Variants in NLRC5 observed in about 807,000 individuals in gnomAD.
NLRC5 encodes NLR family CARD domain containing 5.
A neutral mutation model predicts 206.9 loss-of-function variants in NLRC5; 114 were observed. That is an observed-to-expected ratio of 0.55 (90% CI 0.47 to 0.64). The LOEUF (loss-of-function observed/expected upper bound fraction) is 0.64. Ranked by LOEUF, NLRC5 falls within the 30% of genes least tolerant of loss-of-function variation. The pLI, the probability that NLRC5 is intolerant of heterozygous loss-of-function variation, is 0.00. For missense variants in NLRC5, 2,008 were observed against 2,305.5 expected (o/e 0.87, Z 2.64); for synonymous variants, 952 against 962.8 (o/e 0.99, Z 0.21).
chr16:57,033,336 G>A (rs544570306), intron 11 of NLRC5, among the ~76,000 whole-genome samples: 1 of 152,346 alleles, frequency 6.6e-6, no homozygotes, highest in East Asian at 1.9e-4. Flanking sequence ...AAAGAGAAAA[G>A]GGAGCCGACT....
intron 1 of NLRC5, among the ~76,000 whole-genome samples, chr16:56,996,167 T>G (rs111386456): frequency 4.1e-4 from 63 of 152,192 alleles, no homozygotes; most frequent in Non-Finnish European, 5.1e-4. Context: ...TCCTTGGCTT[T>G]CTTTCTTTCT....
chr16:57,077,449 G>C, intron 41 of NLRC5, 70 bp downstream of exon 41: 1 of 1,392,356 alleles, frequency 7.2e-7, no homozygotes, highest in Non-Finnish European at 1.0e-6. Flanking sequence ...CTGGCCCCTA[G>C]CTGAGGCCAG....
intron 39 of NLRC5, chr16:57,076,135 C>T (rs7405184): frequency 0.1 from 16,404 of 157,150 alleles, 1,519 homozygotes; most frequent in East Asian, 0.45. Context: ...GGGCTGGTCT[C>T]GAACCCCTGA....
chr16:57,006,616 A>G lies in NLRC5; in HGVS notation c.-127-10458A>G, dbSNP rs180903364. On this transcript the variant is annotated intron_variant, in intron 1 of 48. Transcript: ENST00000688547. ...ATAGATGTGCCATAATTTAATCATA[A>G]TATGTCCTCTTTGATCATTTAGGTT... is the stretch of plus-strand genomic sequence containing the variant. 2.1e-3 allele frequency among the ~76,000 whole-genome samples: 311 copies of G among 151,664 alleles called. 5 individuals are homozygous for G. Among genetic ancestry groups the G allele is most frequent in the Admixed American group, 0.018 (268 of 15,248 alleles).
At chr16:57,063,770 G>A (rs375429240) in intron 32 of NLRC5, among the ~76,000 whole-genome samples, 50 of 151,808 alleles carry the variant, frequency 3.3e-4, no homozygotes, top group African/African-American at 1.1e-3. Context: ...ACGGAGTCTC[G>A]CTCTGTTGCC....
At chr16:57,015,949 G>GAAAGA (rs1425410041) in intron 1 of NLRC5, among the ~76,000 whole-genome samples, 1 of 95,532 alleles carries the variant, frequency 1.0e-5, no homozygotes, top group Non-Finnish European at 2.2e-5. Context: ...AAAAAAAAAA[G>GAAAGA]AAAGAAAAGA....
At chr16:57,061,826 T>C in intron 32 of NLRC5, 125 bp downstream of exon 32, 1 of 1,536,020 alleles carries the variant, frequency 6.5e-7, no homozygotes, top group Non-Finnish European at 8.7e-7. Flanking sequence ...CCCTGCCATC[T>C]GGACCCTGAG....
chr16:57,077,390 A>C lies in NLRC5; in HGVS notation c.4919+11A>C, dbSNP rs201581798. 36 of 1,612,776 alleles carry C rather than the reference A, an allele frequency of 2.2e-5. No homozygotes were observed. The Admixed American group carries it at 5.2e-4, about 23-fold the overall frequency. On this transcript the variant is annotated intron_variant, in intron 41 of 48. Coordinates refer to ENST00000688547, the MANE Select transcript of NLRC5 (RefSeq NM_001384950.1). Reference sequence around the variant, plus strand: ...GCTCAGGAAGATAGAGTGAGTAGCCAGCCCTACAGAGGAGGGCCACAGGGG... The same window carrying C: ...GCTCAGGAAGATAGAGTGAGTAGCCCGCCCTACAGAGGAGGGCCACAGGGG...
rs2064904990 is a variant in NLRC5 at position 57,051,544 on chromosome 16, C to G, written c.3429C>G (p.Ser1143=). ...CACCTGCTTTGTTTCACAGATTGTC[C>G]TGTGAGTTCCTGAGTGACCAGAGCC... ...DCPGPLELQL[S]CEFLSDQSLE... is the part of the protein sequence containing the mutation. The change falls in exon 24 of 49, where the codon TCC becomes TCG. Residue 1143 remains serine, a synonymous_variant. Transcript: ENST00000688547. The G allele has an allele frequency of 2.5e-6, 4 of 1,613,438 alleles. No homozygotes were observed. The South Asian group carries it at 4.4e-5, about 18-fold the overall frequency.
At position 57,066,561 on chromosome 16, in the gene NLRC5, T is replaced by G. The variant is rs1250882254; in HGVS notation, c.4269T>G (p.Cys1423Trp). 6.2e-7 allele frequency: 1 copy of G among 1,613,952 alleles called. No individual in the cohort carries two copies. Among genetic ancestry groups the G allele is most frequent in the Non-Finnish European group, 8.5e-7 (1 of 1,179,976 alleles). The change falls in exon 34 of 49, where the codon TGT (cysteine) becomes TGG (tryptophan). Residue 1423 changes from cysteine (C) to tryptophan (W), a missense_variant. By Grantham distance (215) the Cys-to-Trp change is radical. Coordinates refer to ENST00000688547, the MANE Select transcript of NLRC5 (RefSeq NM_001384950.1). Reference sequence around the variant, plus strand: ...TCTCCGAGACCCAGCAGCAGCTCTGTGTCCAGCTGGAATTTCCTCGCCAGG... The same window carrying G: ...TCTCCGAGACCCAGCAGCAGCTCTGGGTCCAGCTGGAATTTCCTCGCCAGG... ...ISISETQQQLCVQLEFPRQEE... is the reference protein window; with the variant it reads ...ISISETQQQLWVQLEFPRQEE...
rs548243547 is a variant in NLRC5, at chr16:57,058,580, A to G, written c.3831-392A>G. On this transcript the variant is annotated intron_variant, in intron 28 of 48. Coordinates refer to ENST00000688547, the MANE Select transcript of NLRC5 (RefSeq NM_001384950.1). ...GGCAAGGGGCCTTAGGAAGTCATCC[A>G]CATGGTTGCCCCATCTCTCCCGTGA... 1.6e-5 allele frequency: 5 copies of G among 320,262 alleles called. No homozygotes were observed. The South Asian group carries it at 1.6e-4, about 10-fold the overall frequency. 19.8% of individuals were successfully genotyped at this position (320,262 alleles called of 1,614,324 possible).
In NLRC5 at chr16:57,079,033, C is replaced by A. The variant is rs752350365; in HGVS notation, c.5082-17C>A. The A allele has an allele frequency of 4.3e-6, 7 of 1,611,982 alleles. No homozygotes were observed. Among genetic ancestry groups the A allele is most frequent in the Non-Finnish European group, 5.9e-6 (7 of 1,178,402 alleles). On this transcript the variant is annotated splice_polypyrimidine_tract_variant and intron_variant, in intron 43 of 48. Coordinates refer to ENST00000688547, the MANE Select transcript of NLRC5 (RefSeq NM_001384950.1). ...GCCAGTCCCTCAGGCTCCTCTCACC[C>A]TCTCCTCTTTCCCCAGCCTACCATT...
intron 1 of NLRC5, among the ~76,000 whole-genome samples, chr16:57,003,684 C>A (rs1318445451): frequency 6.6e-6 from 1 of 152,096 alleles, no homozygotes; most frequent in African/African-American, 2.4e-5. Context: ...TCTATCATCA[C>A]GCTCCAGTTC....
rs144012212 is a variant in NLRC5 at position 57,060,640 on chromosome 16, A to AACAC, written c.3987-792_3987-789dup. Among the ~76,000 whole-genome samples, 4 of 149,962 alleles carry AACAC rather than the reference A, an allele frequency of 2.7e-5. No individual in the cohort carries two copies. In the East Asian group the frequency reaches 5.9e-4, roughly 22 times the overall value. ...TAATACCTACAAATACCACATACAC[A>AACAC]ACACACACACACACACACAGTTCAG... is the stretch of plus-strand genomic sequence containing the variant. On this transcript the variant is annotated intron_variant, in intron 30 of 48. Coordinates refer to ENST00000688547, the MANE Select transcript of NLRC5 (RefSeq NM_001384950.1).
intron 1 of NLRC5, among the ~76,000 whole-genome samples, chr16:57,016,650 T>C (rs1052653450): frequency 1.3e-5 from 2 of 152,200 alleles, no homozygotes; most frequent in African/African-American, 4.8e-5. Context: ...AGGAAGAAGA[T>C]TGCAAATCCT....
chr16:57,015,004 A>G (rs1199266435), intron 1 of NLRC5, among the ~76,000 whole-genome samples: 2 of 151,852 alleles, frequency 1.3e-5, no homozygotes, highest in Non-Finnish European at 2.9e-5. Flanking sequence ...TCTTGGCTCA[A>G]TGCAACCTCT....
chr16:57,054,539 C>T (rs908308650), intron 24 of NLRC5, among the ~76,000 whole-genome samples: 5 of 152,170 alleles, frequency 3.3e-5, no homozygotes, highest in Admixed American at 1.3e-4. Context: ...GGTGAAGTCA[C>T]TTCTCCAAGG....
At chr16:57,050,694 T>C (rs1430303583) in intron 23 of NLRC5, among the ~76,000 whole-genome samples, 1 of 152,156 alleles carries the variant, frequency 6.6e-6, no homozygotes, top group East Asian at 1.9e-4. Flanking sequence ...CTAAATGCAC[T>C]GGGTTCTGAC....
chr16:57,035,514 G>T (rs1431073435), intron 13 of NLRC5, among the ~76,000 whole-genome samples: 1 of 151,952 alleles, frequency 6.6e-6, no homozygotes, highest in Non-Finnish European at 1.5e-5. Flanking sequence ...TCTCTTTCAG[G>T]TCCTCATATG....
Sources: gnomAD v4.1 joint callset for allele counts (sites outside exome capture counted in the v4.1 genomes callset) on GRCh38, gnomAD v4.1.1 for gene constraint, MANE v1.5 for transcripts, NCBI Gene and HGNC (gene_info 2026-07-23, HGNC 2026-07-21) for gene names.